Variants in TRPM2 observed in about 807,000 individuals in gnomAD.
TRPM2 encodes the protein transient receptor potential cation channel subfamily M member 2, also known as estrogen-responsive element-associated gene 1 protein.
A neutral mutation model predicts 174.0 loss-of-function variants in TRPM2; 161 were observed. The ratio of observed to expected loss-of-function variants is 0.93; its 90% CI spans 0.81 to 1.05. The LOEUF (loss-of-function observed/expected upper bound fraction) is 1.05, where lower values mean the gene tolerates loss of function less well. Ranked by LOEUF, TRPM2 falls within the 50% of genes least tolerant of loss-of-function variation. The probability of loss-of-function intolerance (pLI) is 0.00; values close to 1 mark genes in which losing one functional copy is unlikely to be tolerated. For synonymous variants in TRPM2, 954 were observed against 861.3 expected (o/e 1.11, Z -1.88); for missense variants, 2,057 against 2,038.0 (o/e 1.01, Z -0.18).
In TRPM2 at chr21:44,391,630, G is replaced by T. The variant is rs1376707780; in HGVS notation, c.1794+5G>T. The T allele has an allele frequency of 6.4e-6, 10 of 1,565,940 alleles. No homozygotes were observed. Among genetic ancestry groups the T allele is most frequent in the Non-Finnish European group, 7.7e-6 (9 of 1,162,716 alleles). On this transcript the variant is annotated splice_donor_5th_base_variant and intron_variant, in intron 11 of 31. Transcript: ENST00000397928. This position sits in a 1 kb window ranked among gnomAD's most constrained non-coding sequence, Gnocchi z 5.0. ...GTTCCCCACGTCAAGCTCAACGTGC[G>T]TGCTGGTAACGGGGCCCATCCTGGA...
chr21:44,400,445 C>G, intron 15 of TRPM2, 74 bp downstream of exon 15: 1 of 1,317,850 alleles, frequency 7.6e-7, no homozygotes, highest in Admixed American at 1.9e-5. Flanking sequence ...GGCTCAGGAT[C>G]TTCCCTAGAT....
At chr21:44,351,240 T>C (rs2122996810), upstream of TRPM2, among the ~76,000 whole-genome samples, 2 of 152,100 alleles carry the variant, frequency 1.3e-5, no homozygotes, top group African/African-American at 4.8e-5. Flanking sequence ...GAATTCGGCC[T>C]AGGTGATGGT....
chr21:44,353,018 TG>T (rs2146102837), upstream of TRPM2, among the ~76,000 whole-genome samples: 1 of 152,162 alleles, frequency 6.6e-6, no homozygotes, highest in East Asian at 1.9e-4. Context: ...TAGCAGGGTG[TG>T]GTGATTGGCG....
At chr21:44,382,448 C>T (rs774501785) in intron 8 of TRPM2, among the ~76,000 whole-genome samples, 7 of 152,184 alleles carry the variant, frequency 4.6e-5, no homozygotes, top group Admixed American at 2.0e-4. Context: ...GGAGCAGCCT[C>T]GCATGAAGCT....
chr21:44,397,902 A>G, intron 13 of TRPM2, 26 bp downstream of exon 13: 1 of 1,566,878 alleles, frequency 6.4e-7, no homozygotes, highest in Non-Finnish European at 8.7e-7. Context: ...CACGGGCTGC[A>G]GGCCATGGCT....
rs45553237 is a variant in TRPM2, at chr21:44,412,699, T to C, written c.2963-1192T>C. On this transcript the variant is annotated intron_variant, in intron 19 of 31. Coordinates refer to ENST00000397928, the MANE Select transcript of TRPM2 (RefSeq NM_003307.4). The stretch of plus-strand genomic sequence containing the variant: ...GGTATGATGTTAGCTGCAGGGTTTT[T>C]GTAAATGTCCTTTCAATCAAAGAGG... 4.5e-3 allele frequency among the ~76,000 whole-genome samples: 689 copies of C among 152,062 alleles called. 5 individuals carry two copies. The highest frequency in any genetic ancestry group is 0.016 in the African/African-American group (650 of 41,488).
At position 44,403,953 on chromosome 21, in the gene TRPM2, CACACATACATACACACATGCACAT is replaced by C. The variant is rs1168749091; in HGVS notation, c.2539-1182_2539-1159del. Among the ~76,000 whole-genome samples, 3 of 72,924 alleles carry C rather than the reference CACACATACATACACACATGCACAT, an allele frequency of 4.1e-5. No individual in the cohort carries two copies. The East Asian group carries it at 1.4e-3, about 35-fold the overall frequency. 47.8% of individuals were successfully genotyped at this position (72,924 alleles called of 152,430 possible). A position where few individuals can be genotyped will look rare whatever the true frequency, so the allele number is the denominator to read the frequency against. On this transcript the variant is annotated intron_variant, in intron 16 of 31. Transcript: ENST00000397928. ...TACACAATATACACATACACATATG[CACACATACATACACACATGCACAT>C]ACACATGCATACACACATACACATA... is the stretch of plus-strand genomic sequence containing the variant.
upstream of TRPM2, chr21:44,353,211 A>T (rs1277054498): frequency 6.6e-6 from 1 of 152,640 alleles, no homozygotes; most frequent in African/African-American, 2.4e-5. Flanking sequence ...TATTTAAAAA[A>T]ATTTTGGAAT....
In TRPM2 at chr21:44,441,711, CG is replaced by C; in HGVS notation, c.4411del (p.Ala1471ProfsTer45). On this transcript the variant is annotated frameshift_variant, in exon 32 of 32. Coordinates refer to ENST00000397928, the MANE Select transcript of TRPM2 (RefSeq NM_003307.4). LOFTEE classifies it high-confidence loss of function. ...RLNSNLHACD[S>X]GASIRWQVVD... Reference sequence around the variant, plus strand: ...TTCCAGAACCTGCACGCCTGCGACTCGGGGGCCTCCATCCGATGGCAGGTGG... The same window carrying C: ...TTCCAGAACCTGCACGCCTGCGACTCGGGGCCTCCATCCGATGGCAGGTGG... The C allele has an allele frequency of 6.2e-7, 1 of 1,611,292 alleles. No homozygotes were observed.
At chr21:44,435,101 G>A (rs762359597) in intron 27 of TRPM2, 30 bp from the exon 28 acceptor site, 3 of 1,603,718 alleles carry the variant, frequency 1.9e-6, no homozygotes, top group Non-Finnish European at 8.5e-7. Context: ...TTGGTGGACG[G>A]TGGACTGACT....
At chr21:44,358,684 A>G (rs551854351) in intron 2 of TRPM2, among the ~76,000 whole-genome samples, 64 of 152,332 alleles carry the variant, frequency 4.2e-4, no homozygotes, top group African/African-American at 1.5e-3. Flanking sequence ...TTGGGGCAGC[A>G]TTGGAGCAAG....
intron 16 of TRPM2, 27 bp from the exon 17 acceptor site, chr21:44,405,115 C>T: frequency 6.2e-7 from 1 of 1,611,132 alleles, no homozygotes; most frequent in East Asian, 2.2e-5. Context: ...AACCTGTCTG[C>T]CTTCCTACCG....
At chr21:44,425,481 C>T in intron 24 of TRPM2, 189 bp from the exon 25 acceptor site, 1 of 573,956 alleles carries the variant, frequency 1.7e-6, no homozygotes, top group Admixed American at 3.7e-5. Flanking sequence ...GCCTGAGCTC[C>T]CGTGGCTGTC....
At position 44,439,684 on chromosome 21, in the gene TRPM2, A is replaced by G. The variant is rs2051418329; in HGVS notation, c.4269+516A>G. Reference sequence around the variant, plus strand: ...CTCGATCTTTCCTTAGAAAGCCTCCATCTCCAGCTCTCTCACACAAATGCA... The same window carrying G: ...CTCGATCTTTCCTTAGAAAGCCTCCGTCTCCAGCTCTCTCACACAAATGCA... On this transcript the variant is annotated intron_variant, in intron 30 of 31. Coordinates refer to ENST00000397928, the MANE Select transcript of TRPM2 (RefSeq NM_003307.4). The surrounding 1 kb of genome is among the most constrained non-coding windows in gnomAD (Gnocchi z 5.1). Among the ~76,000 whole-genome samples, 2 of 152,108 alleles carry G rather than the reference A, an allele frequency of 1.3e-5. No individual in the cohort carries two copies.
chr21:44,401,908 A>G lies in TRPM2; in HGVS notation c.2538+11A>G. On this transcript the variant is annotated intron_variant, in intron 16 of 31. Coordinates refer to ENST00000397928, the MANE Select transcript of TRPM2 (RefSeq NM_003307.4). Reference sequence around the variant, plus strand: ...GAGGAGATGCGGCAGGTACAGCCCCACCCGCTTTTCCACGCCCCAGCCCGG... The same window carrying G: ...GAGGAGATGCGGCAGGTACAGCCCCGCCCGCTTTTCCACGCCCCAGCCCGG... The G allele has an allele frequency of 1.2e-6, 2 of 1,613,014 alleles. No homozygotes were observed. Among genetic ancestry groups the G allele is most frequent in the Non-Finnish European group, 8.5e-7 (1 of 1,179,880 alleles).
intron 8 of TRPM2, among the ~76,000 whole-genome samples, chr21:44,380,097 A>T (rs2048835510): frequency 6.6e-6 from 1 of 152,148 alleles, no homozygotes; most frequent in Admixed American, 6.5e-5. Context: ...CACCCTCAGG[A>T]ACCACGGGTG....
At position 44,390,388 on chromosome 21, in the gene TRPM2, A is replaced by G. The variant is rs117761916; in HGVS notation, c.1319-516A>G. Among the ~76,000 whole-genome samples the G allele has an allele frequency of 9.9e-3, 1,515 of 152,290 alleles. 8 individuals are homozygous for G. Among genetic ancestry groups the G allele is most frequent in the Non-Finnish European group, 0.017 (1,140 of 68,030 alleles). ...TTTCTTTTTCCCCAAATAACAACCC[A>G]TGTTTTAAAAAGTTAAACCAGAAAG... On this transcript the variant is annotated intron_variant, in intron 9 of 31. Coordinates refer to ENST00000397928, the MANE Select transcript of TRPM2 (RefSeq NM_003307.4).
At chr21:44,387,355 CA>C (rs2049044101) in intron 9 of TRPM2, among the ~76,000 whole-genome samples, 1 of 152,108 alleles carries the variant, frequency 6.6e-6, no homozygotes, top group Admixed American at 6.6e-5. Flanking sequence ...ATCCACATGC[CA>C]AAGAATCAAG....
chr21:44,417,121 T>C, intron 20 of TRPM2, among the ~76,000 whole-genome samples: 1 of 126,156 alleles, frequency 7.9e-6, no homozygotes, highest in Non-Finnish European at 1.6e-5. Context: ...CATGTGGGCA[T>C]GGCTCTGCTC....
Sources: allele counts gnomAD v4.1 joint callset (sites outside exome capture counted in the v4.1 genomes callset), GRCh38; gene constraint gnomAD v4.1.1; non-coding constraint Gnocchi (gnomAD v3.1); transcripts MANE v1.5; gene names NCBI Gene and HGNC (gene_info 2026-07-23, HGNC 2026-07-21).